The following DARS1 variants were observed in gnomAD, a reference collection of about 807,000 sequenced individuals.
The protein encoded by DARS1 is aspartate--tRNA ligase, cytoplasmic.
Under a neutral mutation model 68.8 loss-of-function variants are expected in DARS1, and 51 were observed. The observed-to-expected ratio is 0.74, with a 90% CI of 0.59 to 0.94. The LOEUF is 0.94. Among genes scored for constraint, DARS1 ranks in the 40% least tolerant of loss-of-function variants. The pLI is 0.00. For missense variants in DARS1, 607 were observed against 597.3 expected (o/e 1.02, Z -0.17); for synonymous variants, 203 against 190.4 (o/e 1.07, Z -0.55).
At chr2:135,963,309 A>G (rs1682140718) in intron 3 of DARS1, among the ~76,000 whole-genome samples, 1 of 152,142 alleles carries the variant, frequency 6.6e-6, no homozygotes, top group Non-Finnish European at 1.5e-5. Context: ...TTCTTTCATA[A>G]TCATAAGGAT....
At chr2:135,931,092 C>T (rs17718194) in intron 7 of DARS1, among the ~76,000 whole-genome samples, 1,674 of 152,302 alleles carry the variant, frequency 0.011, 25 homozygotes, top group Middle Eastern at 0.065. Flanking sequence ...AGTCAGGCTA[C>T]ACTAGAACCT....
At chr2:135,927,360 T>C (rs945590465) in intron 7 of DARS1, among the ~76,000 whole-genome samples, 3 of 152,288 alleles carry the variant, frequency 2.0e-5, no homozygotes, top group African/African-American at 7.2e-5. Flanking sequence ...TATAACAACC[T>C]TATTTTCAAC....
At chr2:135,928,347 T>G (rs959635931) in intron 7 of DARS1, among the ~76,000 whole-genome samples, 3 of 152,156 alleles carry the variant, frequency 2.0e-5, no homozygotes, top group African/African-American at 7.2e-5. Flanking sequence ...GATACCTGAT[T>G]TAATTCCAAA....
chr2:135,981,969 A>G (rs1682641886), intron 2 of DARS1, among the ~76,000 whole-genome samples: 1 of 152,160 alleles, frequency 6.6e-6, no homozygotes, highest in Admixed American at 6.5e-5. Context: ...AAGCCTGGGA[A>G]AGAAAAGTGA....
At chr2:135,943,730 G>C (rs972219529) in intron 4 of DARS1, among the ~76,000 whole-genome samples, 1 of 152,078 alleles carries the variant, frequency 6.6e-6, no homozygotes, top group African/African-American at 2.4e-5. Context: ...GACATAAAAG[G>C]TAATAAAACC....
At chr2:135,927,678 T>C (rs984744924) in intron 7 of DARS1, among the ~76,000 whole-genome samples, 1 of 152,080 alleles carries the variant, frequency 6.6e-6, no homozygotes, top group Admixed American at 6.5e-5. Context: ...GGGCATGAGG[T>C]AGAAGATAAA....
intron 10 of DARS1, among the ~76,000 whole-genome samples, chr2:135,919,976 G>A (rs547145900): frequency 6.6e-6 from 1 of 152,308 alleles, no homozygotes; most frequent in East Asian, 1.9e-4. Context: ...CTTAATGGCT[G>A]AGGAAACTGA....
At chr2:135,953,377 T>C (rs1465788326) in intron 4 of DARS1, among the ~76,000 whole-genome samples, 1 of 152,224 alleles carries the variant, frequency 6.6e-6, no homozygotes, top group Non-Finnish European at 1.5e-5. Flanking sequence ...GATAAATTCT[T>C]ATTTTAAATT....
chr2:135,912,092 G>GA (rs938510214), intron 13 of DARS1, among the ~76,000 whole-genome samples: 4 of 151,914 alleles, frequency 2.6e-5, no homozygotes, highest in African/African-American at 7.3e-5. Flanking sequence ...CACTGCAATG[G>GA]AAAAACGGTA....
intron 4 of DARS1, among the ~76,000 whole-genome samples, chr2:135,944,963 C>A (rs1409497835): frequency 6.6e-6 from 1 of 152,160 alleles, no homozygotes; most frequent in Non-Finnish European, 1.5e-5. Flanking sequence ...ATCAAGCAAC[C>A]TGACCTGTCC....
intron 5 of DARS1, among the ~76,000 whole-genome samples, chr2:135,940,460 C>T (rs973674740): frequency 6.6e-6 from 1 of 152,174 alleles, no homozygotes; most frequent in Non-Finnish European, 1.5e-5. Context: ...AATTCAACAG[C>T]CCTTCATGCT....
In DARS1 at chr2:135,922,930, A is replaced by T; in HGVS notation, c.677-12T>A. ...TCCTTCACTGGCAGCTGAAAGGTAA[A>T]CATTTATATTTATATTATTATAATC... On this transcript the variant is annotated splice_polypyrimidine_tract_variant and intron_variant, in intron 8 of 15. Transcript: ENST00000264161. The T allele has an allele frequency of 6.6e-7, 1 of 1,526,328 alleles. No individual in the cohort carries two copies. The highest frequency in any genetic ancestry group is 1.4e-5 in the South Asian group (1 of 73,958). 94.5% of individuals were successfully genotyped at this position (1,526,328 alleles called of 1,614,324 possible). A position where few individuals can be genotyped will look rare whatever the true frequency, so the allele number is the denominator to read the frequency against.
intron 3 of DARS1, among the ~76,000 whole-genome samples, chr2:135,977,231 A>G (rs1318489709): frequency 6.6e-6 from 1 of 152,234 alleles, no homozygotes; most frequent in African/African-American, 2.4e-5. Context: ...CTAGGTATTA[A>G]TATATACTTG....
intron 15 of DARS1, 57 bp downstream of exon 15, chr2:135,911,082 A>T: frequency 2.6e-6 from 2 of 765,010 alleles, no homozygotes; most frequent in South Asian, 1.6e-5. Context: ...TTGTAATTCA[A>T]ATTTGTATTA....
chr2:135,921,082 T>C (rs575169753), intron 9 of DARS1, among the ~76,000 whole-genome samples: 1 of 148,782 alleles, frequency 6.7e-6, no homozygotes, highest in East Asian at 2.2e-4. Flanking sequence ...GAAAAGGCAC[T>C]GAGGATATTA....
intron 4 of DARS1, among the ~76,000 whole-genome samples, chr2:135,960,764 C>T (rs1682080750): frequency 1.3e-5 from 2 of 152,288 alleles, no homozygotes; most frequent in African/African-American, 4.8e-5. Context: ...AGAGCCACTG[C>T]ACACACAACC....
chr2:135,912,721 T>C (rs1680922372), intron 12 of DARS1, among the ~76,000 whole-genome samples, 155 bp from the exon 13 acceptor site: 1 of 152,198 alleles, frequency 6.6e-6, no homozygotes, highest in Non-Finnish European at 1.5e-5. Context: ...GTAACATTTT[T>C]ATCCTACAGC....
At chr2:135,930,346 C>G (rs1681315026) in intron 7 of DARS1, among the ~76,000 whole-genome samples, 1 of 152,142 alleles carries the variant, frequency 6.6e-6, no homozygotes, top group South Asian at 2.1e-4. Context: ...ACAAAGAGAA[C>G]TTTAGGAATG....
Position 135,961,494 on chromosome 2 carries a change from T to A in DARS1, c.222A>T (p.Lys74Asn). The A allele has an allele frequency of 7.0e-7, 1 of 1,423,786 alleles. No homozygotes were observed. Among genetic ancestry groups the A allele is most frequent in the South Asian group, 1.1e-5 (1 of 87,310 alleles). The allele number at this position is 1,423,786 out of a possible 1,614,324, so 88.2% of individuals were successfully genotyped here. A position where few individuals can be genotyped will look rare whatever the true frequency, so the allele number is the denominator to read the frequency against. Reference sequence around the variant, plus strand: ...GCTGACGTAGGACTAAGAAGCACTGTTTCCCTGAAAAAGACAGAAAGAACA... The same window carrying A: ...GCTGACGTAGGACTAAGAAGCACTGATTCCCTGAAAAAGACAGAAAGAACA... ...ARVHTSRAKG[K>N]QCFLVLRQQQ... Residue 74 changes from lysine to asparagine, a missense_variant, in exon 4 of 16, where the codon AAA becomes AAT. Physicochemically the swap from Lys to Asn is moderately conservative, Grantham distance 94. Transcript: ENST00000264161.
Sources: gnomAD v4.1 joint callset for allele counts (sites outside exome capture counted in the v4.1 genomes callset) on GRCh38, gnomAD v4.1.1 for gene constraint, MANE v1.5 for transcripts, NCBI Gene and HGNC (gene_info 2026-07-23, HGNC 2026-07-21) for gene names.